Variants in COL24A1 observed in about 807,000 individuals in gnomAD.
The protein encoded by COL24A1 is collagen type XXIV alpha 1 chain.
Under a neutral mutation model 253.9 loss-of-function variants are expected in COL24A1, and 224 were observed. The observed-to-expected ratio is 0.88, with a 90% CI of 0.79 to 0.99. The LOEUF (loss-of-function observed/expected upper bound fraction) is 0.99. COL24A1 is among the 50% of genes least tolerant of loss of function. The pLI, the probability that COL24A1 is intolerant of heterozygous loss-of-function variation, is 0.00. For synonymous variants in COL24A1, 685 were observed against 673.7 expected, an observed-to-expected ratio of 1.02 and a Z score of -0.26; for missense variants, 2,131 against 2,068.5, an observed-to-expected ratio of 1.03 and a Z score of -0.59.
chr1:86,024,118 C>T (rs1426487294), intron 14 of COL24A1, among the ~76,000 whole-genome samples: 1 of 152,078 alleles, frequency 6.6e-6, no homozygotes, highest in Non-Finnish European at 1.5e-5. Context: ...TTCCACTTTA[C>T]TTCTCCCTCC....
chr1:86,017,723 A>T (rs1258432943), intron 18 of COL24A1, among the ~76,000 whole-genome samples: 1 of 152,220 alleles, frequency 6.6e-6, no homozygotes, highest in African/African-American at 2.4e-5. Flanking sequence ...TAGTACTAAC[A>T]TTCTCAAAGA....
At chr1:86,138,405 G>T (rs1280215780) in intron 2 of COL24A1, among the ~76,000 whole-genome samples, 1 of 152,090 alleles carries the variant, frequency 6.6e-6, no homozygotes, top group African/African-American at 2.4e-5. Flanking sequence ...ATATGGTTTG[G>T]CTGTGTCCTC....
In COL24A1 at chr1:86,134,450, A is replaced by G. The variant is rs1649877001; in HGVS notation, c.122-8236T>C. Among the ~76,000 whole-genome samples, 5 of 146,134 alleles carry G rather than the reference A, an allele frequency of 3.4e-5. No individual in the cohort carries two copies. The South Asian group carries it at 1.1e-3, about 32-fold the overall frequency. On this transcript the variant is annotated intron_variant, in intron 2 of 59. Coordinates refer to ENST00000370571, the MANE Select transcript of COL24A1 (RefSeq NM_152890.7). ...TTTTCATTGTGAAGTTAGGATGTCAATTTTAGATCTTTCCTGCTTTCTCTT... is the reference window on the plus strand; with the variant it reads ...TTTTCATTGTGAAGTTAGGATGTCAGTTTTAGATCTTTCCTGCTTTCTCTT...
rs34090648 is a variant in COL24A1, at chr1:85,988,100, T to TAAA, written c.2311-449_2311-447dup. Among the ~76,000 whole-genome samples the TAAA allele has an allele frequency of 7.1e-3, 1,041 of 147,496 alleles. 9 individuals carry two copies. Among genetic ancestry groups the TAAA allele is most frequent in the African/African-American group, 0.024 (986 of 40,632 alleles). ...AGAGATGCAAACAACTTCTGTCTGA[T>TAAA]AAAAAAAAAAAACAGCACCCAAAAT... is the stretch of plus-strand genomic sequence containing the variant. On this transcript the variant is annotated intron_variant, in intron 19 of 59. Transcript: ENST00000370571.
At chr1:85,896,243 G>C in intron 29 of COL24A1, 113 bp downstream of exon 29, 1 of 1,236,676 alleles carries the variant, frequency 8.1e-7, no homozygotes, top group Non-Finnish European at 1.2e-6. Flanking sequence ...CTTAGACAAA[G>C]AGAAAACTTA....
In COL24A1 at chr1:85,937,821, A is replaced by G. The variant is rs977126414; in HGVS notation, c.2562+23428T>C. ...GGAAAGGCCAAAGATTTATTCTAGC[A>G]GAAATGACATATGCTTTGAAAATGG... On this transcript the variant is annotated intron_variant, in intron 24 of 59. Coordinates refer to ENST00000370571, the MANE Select transcript of COL24A1 (RefSeq NM_152890.7). 2.7e-5 allele frequency among the ~76,000 whole-genome samples: 4 copies of G among 147,834 alleles called. 1 individual carries two copies. Among genetic ancestry groups the G allele is most frequent in the Non-Finnish European group, 6.0e-5 (4 of 66,720 alleles).
intron 5 of COL24A1, among the ~76,000 whole-genome samples, chr1:86,108,777 A>G (rs986459574): frequency 6.6e-6 from 1 of 151,140 alleles, no homozygotes; most frequent in Non-Finnish European, 1.5e-5. Flanking sequence ...ATTGTACTCC[A>G]GCCTGGGCAA....
chr1:85,851,186 T>C (rs926734590), intron 37 of COL24A1, among the ~76,000 whole-genome samples: 1 of 152,074 alleles, frequency 6.6e-6, no homozygotes, highest in South Asian at 2.1e-4. Context: ...ATATGTATTT[T>C]GTATCTTTAA....
At position 85,868,278 on chromosome 1, in the gene COL24A1, T is replaced by C. The variant is rs936297087; in HGVS notation, c.3300+241A>G. Among the ~76,000 whole-genome samples, 5 of 152,188 alleles carry C rather than the reference T, an allele frequency of 3.3e-5. No homozygotes were observed. In the East Asian group the frequency reaches 9.6e-4, roughly 29 times the overall value. ...ACTCAGTTTGAGACAACATAAAACA[T>C]TCCTTTATAAATGCTTTATGACAGA... On this transcript the variant is annotated intron_variant, in intron 37 of 59. Coordinates refer to ENST00000370571, the MANE Select transcript of COL24A1 (RefSeq NM_152890.7).
At chr1:85,771,782 ATTT>A (rs749416101) in intron 53 of COL24A1, among the ~76,000 whole-genome samples, 20 of 111,546 alleles carry the variant, frequency 1.8e-4, no homozygotes, top group Admixed American at 4.0e-4. Flanking sequence ...TGACTTTTTT[ATTT>A]ATTTATTTAT....
At chr1:85,761,621 T>C (rs1304679501) in intron 53 of COL24A1, 55 bp from the exon 54 acceptor site, 6 of 1,563,560 alleles carry the variant, frequency 3.8e-6, no homozygotes, top group South Asian at 1.1e-5. Context: ...TGGTTGGGTA[T>C]AAGCAAGATA....
intron 28 of COL24A1, among the ~76,000 whole-genome samples, chr1:85,906,867 T>C (rs1007602628): frequency 6.6e-6 from 1 of 151,914 alleles, no homozygotes; most frequent in East Asian, 1.9e-4. Flanking sequence ...TGTAAGTCTG[T>C]AGAGAAATAA....
At chr1:85,939,319 C>A (rs868821410) in intron 24 of COL24A1, among the ~76,000 whole-genome samples, 1 of 152,078 alleles carries the variant, frequency 6.6e-6, no homozygotes, top group South Asian at 2.1e-4. Context: ...AACTATCATA[C>A]CTAGCAGTGT....
chr1:86,026,480 A>G (rs1181398759), intron 14 of COL24A1, among the ~76,000 whole-genome samples: 1 of 152,162 alleles, frequency 6.6e-6, no homozygotes, highest in Non-Finnish European at 1.5e-5. Flanking sequence ...ATGGTTTTAT[A>G]AGCATCTGGC....
At chr1:86,054,897 CTCA>C (rs1035532233) in intron 10 of COL24A1, among the ~76,000 whole-genome samples, 7 of 152,218 alleles carry the variant, frequency 4.6e-5, no homozygotes, top group South Asian at 2.1e-4. Flanking sequence ...AACCCAAGTG[CTCA>C]TCAACAGTGG....
At chr1:85,894,850 G>A (rs894433386) in intron 31 of COL24A1, among the ~76,000 whole-genome samples, 18 of 152,092 alleles carry the variant, frequency 1.2e-4, no homozygotes, top group African/African-American at 2.2e-4. Flanking sequence ...GGGAAACAGC[G>A]GGCAGGGGGC....
intron 47 of COL24A1, among the ~76,000 whole-genome samples, chr1:85,815,395 A>G (rs1672957881): frequency 6.6e-6 from 1 of 152,176 alleles, no homozygotes; most frequent in South Asian, 2.1e-4. Context: ...ACTACTAGCA[A>G]AAGTCTATAC....
chr1:85,972,537 GGAA>G (rs1692271945), intron 20 of COL24A1, among the ~76,000 whole-genome samples: 2 of 152,148 alleles, frequency 1.3e-5, no homozygotes, highest in African/African-American at 2.4e-5. Flanking sequence ...ATTAGATTAT[GGAA>G]ATGGGCACAT....
chr1:86,068,792 T>C (rs1025150249), intron 7 of COL24A1, among the ~76,000 whole-genome samples: 5 of 151,842 alleles, frequency 3.3e-5, no homozygotes, highest in African/African-American at 1.2e-4. Flanking sequence ...TCAGCCACAG[T>C]GTAATAGAGC....
Sources: allele counts gnomAD v4.1 joint callset (sites outside exome capture counted in the v4.1 genomes callset), GRCh38; gene constraint gnomAD v4.1.1; transcripts MANE v1.5; gene names NCBI Gene and HGNC (gene_info 2026-07-23, HGNC 2026-07-21).